DIP2C: variants seen among roughly 807,000 people sequenced by gnomAD.
DIP2C encodes disco-interacting protein 2 homolog C.
DIP2C carries 33 observed loss-of-function variants against 192.4 expected under a neutral mutation model. That is an observed-to-expected ratio of 0.17 (90% confidence interval 0.13 to 0.23). The LOEUF (loss-of-function observed/expected upper bound fraction) is 0.23. Ranked by LOEUF, DIP2C falls within the 10% of genes least tolerant of loss-of-function variation. The probability of loss-of-function intolerance (pLI) is 1.00; values close to 1 mark genes in which losing one functional copy is unlikely to be tolerated. For synonymous variants in DIP2C, 979 were observed against 864.1 expected, an observed-to-expected ratio of 1.13 and a Z score of -2.33; for missense variants, 1,537 against 2,110.1, an observed-to-expected ratio of 0.73 and a Z score of 5.32.
At chr10:489,527 A>G (rs556538336) in intron 1 of DIP2C, among the ~76,000 whole-genome samples, 48 of 152,244 alleles carry the variant, frequency 3.2e-4, no homozygotes, top group Non-Finnish European at 3.4e-4. Flanking sequence ...ACCTTCAATC[A>G]ATGCCACGCT....
chr10:504,168 T>A lies in DIP2C; in HGVS notation c.86-17638A>T, dbSNP rs139852477. Reference sequence around the variant, plus strand: ...ATGAAAGAGCAATAAAGAGTATTTATCCCCATCTCCTTGGGCTGGAGACCC... The same window carrying A: ...ATGAAAGAGCAATAAAGAGTATTTAACCCCATCTCCTTGGGCTGGAGACCC... On this transcript the variant is annotated intron_variant, in intron 1 of 36. Coordinates refer to ENST00000280886, the MANE Select transcript of DIP2C (RefSeq NM_014974.3). Among the ~76,000 whole-genome samples, 211 of 152,328 alleles carry A rather than the reference T, an allele frequency of 1.4e-3. 1 individual carries two copies. Among genetic ancestry groups the A allele is most frequent in the African/African-American group, 5.0e-3 (206 of 41,566 alleles).
chr10:516,975 G>A (rs1343300755), intron 1 of DIP2C, among the ~76,000 whole-genome samples: 4 of 151,512 alleles, frequency 2.6e-5, no homozygotes, highest in Non-Finnish European at 5.9e-5. Context: ...GCACTTCCCA[G>A]CAATGGCCAC....
chr10:589,003 C>G (rs1361508738), intron 1 of DIP2C, among the ~76,000 whole-genome samples: 1 of 152,206 alleles, frequency 6.6e-6, no homozygotes, highest in Non-Finnish European at 1.5e-5. Context: ...CCACCTGGTG[C>G]TGAAGACCTT....
rs537996236 is a variant in DIP2C, at chr10:321,580, C to T, written c.3924+5426G>A. Among the ~76,000 whole-genome samples, 142 of 134,962 alleles carry T rather than the reference C, an allele frequency of 1.1e-3. 1 individual carries two copies. Among genetic ancestry groups the T allele is most frequent in the African/African-American group, 4.3e-3 (134 of 31,148 alleles). 88.5% of individuals were successfully genotyped at this position (134,962 alleles called of 152,430 possible). A position where few individuals can be genotyped will look rare whatever the true frequency, so the allele number is the denominator to read the frequency against. On this transcript the variant is annotated intron_variant, in intron 31 of 36. Transcript: ENST00000280886. The stretch of plus-strand genomic sequence containing the variant: ...CTGTTAGAACAGTCAGTCGGGGGTG[C>T]GGGGCTCCAGCGAGAGACCGGCGCT...
intron 32 of DIP2C, among the ~76,000 whole-genome samples, chr10:290,472 C>T (rs1955435437): frequency 6.6e-6 from 1 of 152,208 alleles, no homozygotes; most frequent in African/African-American, 2.4e-5. Context: ...AAGCTCACAG[C>T]CAGAGGTGGC....
At chr10:444,138 T>C (rs181490011) in intron 3 of DIP2C, among the ~76,000 whole-genome samples, 172 of 152,228 alleles carry the variant, frequency 1.1e-3, no homozygotes, top group African/African-American at 4.0e-3. Flanking sequence ...CTCCACGCCA[T>C]GGTGTTCCCT....
At chr10:345,185 T>G in intron 26 of DIP2C, 75 bp from the exon 27 acceptor site, 2 of 1,335,644 alleles carry the variant, frequency 1.5e-6, no homozygotes, top group Non-Finnish European at 2.1e-6. Flanking sequence ...ACGGGTCTCC[T>G]GCTTACTACA....
At chr10:616,639 G>A (rs527351332) in intron 1 of DIP2C, among the ~76,000 whole-genome samples, 3 of 152,292 alleles carry the variant, frequency 2.0e-5, no homozygotes, top group East Asian at 1.9e-4. Flanking sequence ...TTAATGCCAC[G>A]TGTGCGTGGA....
chr10:489,884 C>T (rs77561410), intron 1 of DIP2C, among the ~76,000 whole-genome samples: 1 of 66,850 alleles, frequency 1.5e-5, no homozygotes, highest in East Asian at 4.7e-4. Context: ...CTCCATTTCA[C>T]ACCAGGGACA....
In DIP2C at chr10:344,857, T is replaced by C; in HGVS notation, c.3405A>G (p.Ala1135=). ...ICKPCNPDTL[A]YLDFSVSTTG... ...TTGTGGACACGCTGAAGTCGAGATATGCAAGAGTGTCTGGGTTGCAAGGTT... is the reference window on the plus strand; with the variant it reads ...TTGTGGACACGCTGAAGTCGAGATACGCAAGAGTGTCTGGGTTGCAAGGTT... The change falls in exon 28 of 37, where the codon GCA becomes GCG. Residue 1135 remains alanine (A), a synonymous_variant. Coordinates refer to ENST00000280886, the MANE Select transcript of DIP2C (RefSeq NM_014974.3). 2.5e-6 allele frequency: 4 copies of C among 1,606,446 alleles called. No homozygotes were observed. The highest frequency in any genetic ancestry group is 1.7e-5 in the Admixed American group (1 of 58,900).
chr10:467,701 G>C (rs993377637), intron 3 of DIP2C, among the ~76,000 whole-genome samples: 4 of 151,134 alleles, frequency 2.6e-5, no homozygotes, highest in Non-Finnish European at 5.9e-5. Context: ...ACTAACACCA[G>C]AACAGAAAAC....
intron 1 of DIP2C, among the ~76,000 whole-genome samples, chr10:617,097 G>T (rs896387257): frequency 6.6e-6 from 1 of 152,128 alleles, no homozygotes; most frequent in Non-Finnish European, 1.5e-5. Context: ...GCCCAGAGGT[G>T]CCCCCACACC....
At chr10:477,730 GGAAA>G (rs1301910452) in intron 2 of DIP2C, among the ~76,000 whole-genome samples, 4 of 128,250 alleles carry the variant, frequency 3.1e-5, no homozygotes, top group African/African-American at 5.6e-5. Context: ...AGAAAGAGAA[GGAAA>G]GAAAGAACGA....
chr10:361,043 G>GT (rs1181726322), intron 22 of DIP2C, among the ~76,000 whole-genome samples: 3 of 152,120 alleles, frequency 2.0e-5, no homozygotes, highest in Admixed American at 6.5e-5. Context: ...GCTAAGCTGC[G>GT]TATCAGGCCC....
intron 2 of DIP2C, chr10:484,787 G>C (rs1016792890): frequency 4.3e-6 from 7 of 1,610,772 alleles, no homozygotes; most frequent in Non-Finnish European, 5.9e-6. Flanking sequence ...TCACCGAAAC[G>C]AAAGTAAAAC....
At position 651,759 on chromosome 10, in the gene DIP2C, G is replaced by A. The variant is rs1564307686; in HGVS notation, c.85+37735C>T. Reference sequence around the variant, plus strand: ...AAGGAAGTGGCCTGAGCTGAGAGGGGGCCTGGCATCGCCCACCCAGGTCAT... The same window carrying A: ...AAGGAAGTGGCCTGAGCTGAGAGGGAGCCTGGCATCGCCCACCCAGGTCAT... On this transcript the variant is annotated intron_variant, in intron 1 of 36. Coordinates refer to ENST00000280886, the MANE Select transcript of DIP2C (RefSeq NM_014974.3). This position sits in a 1 kb window ranked among gnomAD's most constrained non-coding sequence, Gnocchi z 4.1. 7.3e-6 allele frequency: 2 copies of A among 275,090 alleles called. No individual in the cohort carries two copies. Among genetic ancestry groups the A allele is most frequent in the Admixed American group, 5.1e-5 (1 of 19,712 alleles). 17.0% of individuals were successfully genotyped at this position (275,090 alleles called of 1,614,324 possible).
intron 1 of DIP2C, among the ~76,000 whole-genome samples, chr10:573,914 ACAC>A (rs774267961): frequency 3.9e-5 from 6 of 152,222 alleles, no homozygotes; most frequent in African/African-American, 7.2e-5. Context: ...TACCATGGAC[ACAC>A]CACCACATCA....
At chr10:599,027 C>T (rs1487407596) in intron 1 of DIP2C, among the ~76,000 whole-genome samples, 1 of 152,222 alleles carries the variant, frequency 6.6e-6, no homozygotes, top group African/African-American at 2.4e-5. Flanking sequence ...CATCATAAAG[C>T]GGCGAAGACC....
intron 8 of DIP2C, among the ~76,000 whole-genome samples, chr10:410,423 T>C (rs893050529): frequency 2.0e-5 from 3 of 152,208 alleles, no homozygotes; most frequent in East Asian, 3.8e-4. Context: ...CTCAACACCA[T>C]AGGCAGTCTT....
Sources: allele counts gnomAD v4.1 joint callset (sites outside exome capture counted in the v4.1 genomes callset), GRCh38; gene constraint gnomAD v4.1.1; non-coding constraint Gnocchi (gnomAD v3.1); transcripts MANE v1.5; gene names NCBI Gene and HGNC (gene_info 2026-07-23, HGNC 2026-07-21).